The following KAZN variants were observed in gnomAD, a reference collection of about 807,000 sequenced individuals.
The protein encoded by KAZN is kazrin, periplakin interacting protein.
KAZN carries 40 observed loss-of-function variants against 87.4 expected under a neutral mutation model. That is an observed-to-expected ratio of 0.46 (90% CI 0.36 to 0.60). KAZN has a LOEUF of 0.60. KAZN is among the 20% of genes least tolerant of loss of function. The pLI is 0.00. For missense variants in KAZN, 898 were observed against 1,073.9 expected (o/e 0.84, Z 2.29); for synonymous variants, 466 against 458.3 (o/e 1.02, Z -0.22).
chr1:14,422,019 A>G (rs1665461100), intron 2 of KAZN, among the ~76,000 whole-genome samples: 1 of 152,246 alleles, frequency 6.6e-6, no homozygotes, highest in South Asian at 2.1e-4. Flanking sequence ...TGTCCACTCC[A>G]GTGACTGAGA....
chr1:14,350,133 CAAAAA>C (rs111546286), intron 2 of KAZN, among the ~76,000 whole-genome samples: 1 of 100,536 alleles, frequency 9.9e-6, no homozygotes. Flanking sequence ...GACTCCATCT[CAAAAA>C]AAAAAAAAAA....
At chr1:14,627,159 G>A (rs921077229) in intron 1 of KAZN, among the ~76,000 whole-genome samples, 2 of 151,796 alleles carry the variant, frequency 1.3e-5, no homozygotes, top group Admixed American at 6.6e-5. Flanking sequence ...TGGCTGGGGG[G>A]CTTGTTTTGA....
chr1:14,370,841 C>A (rs553664674), intron 2 of KAZN, among the ~76,000 whole-genome samples: 14 of 152,142 alleles, frequency 9.2e-5, no homozygotes, highest in Non-Finnish European at 1.5e-4. Flanking sequence ...TGTGCTACCA[C>A]GCCTGGCTAA....
rs1237843609 is a variant in KAZN, at chr1:14,109,869, T to G, written c.92-70566T>G. Reference sequence around the variant, plus strand: ...AAATTTATGTAAGTTTCCCTTTACTTTTCTGATAGCTGTAAAAATCTGTTC... The same window carrying G: ...AAATTTATGTAAGTTTCCCTTTACTGTTCTGATAGCTGTAAAAATCTGTTC... On this transcript the variant is annotated intron_variant, in intron 1 of 16. Coordinates refer to the KAZN transcript ENST00000636203. Among the ~76,000 whole-genome samples the G allele has an allele frequency of 2.9e-5, 4 of 136,424 alleles. 1 individual carries two copies. Among genetic ancestry groups the G allele is most frequent in the African/African-American group, 1.1e-4 (4 of 35,482 alleles). 89.5% of individuals were successfully genotyped at this position (136,424 alleles called of 152,430 possible).
chr1:14,704,767 G>T (rs1572268052), intron 1 of KAZN, among the ~76,000 whole-genome samples: 1 of 152,230 alleles, frequency 6.6e-6, no homozygotes. Flanking sequence ...GGTTCAGCCA[G>T]TGCAGAGACA....
At chr1:14,463,729 G>A (rs1045030446) in intron 2 of KAZN, among the ~76,000 whole-genome samples, 7 of 152,080 alleles carry the variant, frequency 4.6e-5, no homozygotes, top group African/African-American at 1.2e-4. Context: ...CAGCCCAAGC[G>A]TCTCTCAGGC....
chr1:15,008,719 G>A (rs1008891384), intron 2 of KAZN, among the ~76,000 whole-genome samples: 1 of 152,170 alleles, frequency 6.6e-6, no homozygotes, highest in Non-Finnish European at 1.5e-5. Context: ...TTCAAGGTCT[G>A]TGTAAGGCAC....
At chr1:14,975,151 C>T (rs189128015) in intron 2 of KAZN, among the ~76,000 whole-genome samples, 70 of 152,346 alleles carry the variant, frequency 4.6e-4, no homozygotes, top group African/African-American at 1.6e-3. Flanking sequence ...CAGACTGTGC[C>T]AGCCAGCTCC....
chr1:14,274,099 TC>T (rs1177623930), intron 2 of KAZN, among the ~76,000 whole-genome samples: 1 of 152,182 alleles, frequency 6.6e-6, no homozygotes, highest in African/African-American at 2.4e-5. Context: ...GGTTCCTATG[TC>T]TTTGTTGTCT....
intron 2 of KAZN, among the ~76,000 whole-genome samples, chr1:14,297,566 A>G (rs2100767384): frequency 6.6e-6 from 1 of 151,822 alleles, no homozygotes; most frequent in South Asian, 2.1e-4. Flanking sequence ...GCCCCCTGCA[A>G]GATCCTTTAC....
intron 1 of KAZN, among the ~76,000 whole-genome samples, chr1:14,798,406 T>C (rs978103796): frequency 6.4e-4 from 93 of 146,310 alleles, no homozygotes; most frequent in African/African-American, 2.2e-3. Context: ...TTCTTTTTTC[T>C]GTTTCTTTCC....
chr1:14,718,904 T>C (rs1208526426), intron 1 of KAZN, among the ~76,000 whole-genome samples: 1 of 152,020 alleles, frequency 6.6e-6, no homozygotes, highest in Non-Finnish European at 1.5e-5. Flanking sequence ...TTAGGATGGG[T>C]TGGTTGGTTG....
chr1:14,402,548 T>C (rs1663503647), intron 2 of KAZN, among the ~76,000 whole-genome samples: 1 of 152,164 alleles, frequency 6.6e-6, no homozygotes, highest in Non-Finnish European at 1.5e-5. Context: ...GTCATAAATA[T>C]AAAATATCCC....
At chr1:14,879,388 G>A (rs925233026) in intron 1 of KAZN, among the ~76,000 whole-genome samples, 2 of 152,232 alleles carry the variant, frequency 1.3e-5, no homozygotes, top group African/African-American at 4.8e-5. Flanking sequence ...CATATATGAT[G>A]ATTGAGAAGT....
At chr1:14,248,110 A>G (rs906745847) in intron 2 of KAZN, among the ~76,000 whole-genome samples, 1 of 152,212 alleles carries the variant, frequency 6.6e-6, no homozygotes, top group Non-Finnish European at 1.5e-5. Context: ...GCAAAAGTTG[A>G]TTGCATAGAT....
At chr1:14,846,343 G>A (rs1313671461) in intron 1 of KAZN, among the ~76,000 whole-genome samples, 5 of 152,092 alleles carry the variant, frequency 3.3e-5, no homozygotes, top group Admixed American at 3.3e-4. Context: ...TTGAGATCAA[G>A]CGATCTAGGT....
intron 2 of KAZN, among the ~76,000 whole-genome samples, chr1:14,483,290 C>T (rs919383802): frequency 1.3e-5 from 2 of 152,144 alleles, no homozygotes; most frequent in Non-Finnish European, 2.9e-5. Context: ...GGGCCCTCCT[C>T]CTCCATGCAA....
chr1:15,002,933 G>A (rs1283734920), intron 2 of KAZN, among the ~76,000 whole-genome samples: 1 of 151,814 alleles, frequency 6.6e-6, no homozygotes, highest in Non-Finnish European at 1.5e-5. Flanking sequence ...CCGAGATGGC[G>A]CCACTGCACT....
At chr1:14,605,565 T>C (rs556156716) in intron 1 of KAZN, among the ~76,000 whole-genome samples, 1 of 152,264 alleles carries the variant, frequency 6.6e-6, no homozygotes, top group African/African-American at 2.4e-5. Context: ...AGAAATCAAG[T>C]AAGCTAGAGA....
Sources: allele counts gnomAD v4.1 joint callset (sites outside exome capture counted in the v4.1 genomes callset), GRCh38; gene constraint gnomAD v4.1.1; transcripts MANE v1.5; gene names NCBI Gene and HGNC (gene_info 2026-07-23, HGNC 2026-07-21).